The following TMEM192 variants were observed in gnomAD, a reference collection of about 807,000 sequenced individuals.
TMEM192 encodes the protein transmembrane protein 192.
A neutral mutation model predicts 26.7 loss-of-function variants in TMEM192; 20 were observed. The ratio of observed to expected loss-of-function variants is 0.75; its 90% CI spans 0.53 to 1.09. The LOEUF is 1.09. TMEM192 is among the 50% of genes least tolerant of loss of function. The probability of loss-of-function intolerance (pLI) is 0.00; values close to 1 mark genes in which losing one functional copy is unlikely to be tolerated. For missense variants in TMEM192, 304 were observed against 322.6 expected, an observed-to-expected ratio of 0.94 and a Z score of 0.44; for synonymous variants, 124 against 121.0, an observed-to-expected ratio of 1.02 and a Z score of -0.16.
intron 3 of TMEM192, among the ~76,000 whole-genome samples, chr4:165,092,858 C>T (rs1248322207): frequency 6.6e-6 from 1 of 151,420 alleles, no homozygotes. Flanking sequence ...TGAGCTATGA[C>T]AGCACTCCAG....
chr4:165,088,360 A>T, intron 4 of TMEM192, 108 bp downstream of exon 4: 1 of 1,093,448 alleles, frequency 9.1e-7, no homozygotes, highest in Non-Finnish European at 1.3e-6. Context: ...TGTGGTCACC[A>T]CTCAGATACA....
intron 1 of TMEM192, among the ~76,000 whole-genome samples, chr4:165,108,112 CTTTTTTTT>C (rs755013001): frequency 1.9e-4 from 17 of 91,188 alleles, no homozygotes; most frequent in South Asian, 3.7e-4. Context: ...TCTGTATTCC[CTTTTTTTT>C]TTTTTTTTTT....
At chr4:165,091,880 TC>T (rs1734773133) in intron 3 of TMEM192, among the ~76,000 whole-genome samples, 1 of 152,130 alleles carries the variant, frequency 6.6e-6, no homozygotes, top group African/African-American at 2.4e-5. Flanking sequence ...ACAAAAAGTT[TC>T]CATTAGACCA....
chr4:165,108,440 T>C (rs1318720210), intron 1 of TMEM192, among the ~76,000 whole-genome samples: 1 of 152,084 alleles, frequency 6.6e-6, no homozygotes, highest in Non-Finnish European at 1.5e-5. Context: ...AATCCTATAT[T>C]CGTGAACTTT....
chr4:165,110,830 C>T (rs1325422754), intron 1 of TMEM192, among the ~76,000 whole-genome samples: 2 of 152,234 alleles, frequency 1.3e-5, no homozygotes, highest in Non-Finnish European at 2.9e-5. Context: ...GGCATATACT[C>T]ACCCTATAGC....
intron 3 of TMEM192, among the ~76,000 whole-genome samples, chr4:165,088,962 G>A (rs1224081097): frequency 7.0e-6 from 1 of 143,502 alleles, no homozygotes; most frequent in South Asian, 2.3e-4. Context: ...GATTGCTTGA[G>A]CCTGGGAGGT....
intron 5 of TMEM192, 43 bp downstream of exon 5, chr4:165,085,543 T>C (rs1734591073): frequency 7.5e-7 from 1 of 1,326,968 alleles, no homozygotes; most frequent in Admixed American, 2.1e-5. Context: ...TCTAGCTTTC[T>C]AGGGGAAAAA....
chr4:165,099,582 C>T (rs1734991388), intron 3 of TMEM192, among the ~76,000 whole-genome samples: 1 of 152,120 alleles, frequency 6.6e-6, no homozygotes, highest in African/African-American at 2.4e-5. Flanking sequence ...ATCTCACTGC[C>T]TAACAGTCCT....
intron 3 of TMEM192, among the ~76,000 whole-genome samples, chr4:165,096,544 A>G (rs1734908349): frequency 6.6e-6 from 1 of 151,972 alleles, no homozygotes; most frequent in South Asian, 2.1e-4. Context: ...TCTTCTCTGG[A>G]AAATAACAAA....
chr4:165,081,361 C>T (rs574299227), intron 5 of TMEM192, among the ~76,000 whole-genome samples: 1,955 of 142,468 alleles, frequency 0.014, 35 homozygotes, highest in African/African-American at 0.046. Context: ...TATATACTGA[C>T]TTTTTTTTTT....
In TMEM192 at chr4:165,071,045, G is replaced by A. The variant is rs1207444572; in HGVS notation, c.*8613C>T. The A allele has an allele frequency of 6.6e-6, 1 of 151,862 alleles. No homozygotes were observed. Among genetic ancestry groups the A allele is most frequent in the South Asian group, 2.1e-4 (1 of 4,812 alleles). 9.4% of individuals were successfully genotyped at this position (151,862 alleles called of 1,614,324 possible). A position where few individuals can be genotyped will look rare whatever the true frequency, so the allele number is the denominator to read the frequency against. ...ATGCCTGGAGCCACAGGTCTGCAGG[G>A]GAATCATTGCAAGACCTCAGGTGAT... On this transcript the variant is annotated 3_prime_UTR_variant, in exon 6 of 6. Transcript: ENST00000306480.
Position 165,074,116 on chromosome 4 carries a change from C to T in TMEM192, c.*5542G>A, listed in dbSNP as rs570506072. On this transcript the variant is annotated 3_prime_UTR_variant, in exon 6 of 6. Coordinates refer to ENST00000306480, the MANE Select transcript of TMEM192 (RefSeq NM_001100389.2). Reference sequence around the variant, plus strand: ...ACCCACAGGTGTGGAGGGGCAGACCCCCCCTCAATCAACTGAGCCAAGTGT... The same window carrying T: ...ACCCACAGGTGTGGAGGGGCAGACCTCCCCTCAATCAACTGAGCCAAGTGT... 1 of 151,648 alleles carries T rather than the reference C, an allele frequency of 6.6e-6. No homozygotes were observed. Among genetic ancestry groups the T allele is most frequent in the East Asian group, 1.9e-4 (1 of 5,156 alleles). 9.4% of individuals were successfully genotyped at this position (151,648 alleles called of 1,614,324 possible). A position where few individuals can be genotyped will look rare whatever the true frequency, so the allele number is the denominator to read the frequency against.
chr4:165,089,381 C>T (rs1357737782), intron 3 of TMEM192, among the ~76,000 whole-genome samples: 4 of 151,990 alleles, frequency 2.6e-5, no homozygotes, highest in Non-Finnish European at 4.4e-5. Context: ...AGTGCAGTGG[C>T]GCTATCTCGG....
chr4:165,095,258 T>C (rs1734867438), intron 3 of TMEM192, among the ~76,000 whole-genome samples: 2 of 152,168 alleles, frequency 1.3e-5, no homozygotes. Flanking sequence ...AAATGCCATA[T>C]ATCATTATTA....
intron 1 of TMEM192, among the ~76,000 whole-genome samples, chr4:165,108,112 CTTTTTTTTTTTTTTTT>C (rs755013001): frequency 1.1e-5 from 1 of 91,174 alleles, no homozygotes; most frequent in South Asian, 3.7e-4. Context: ...TCTGTATTCC[CTTTTTTTTTTTTTTTT>C]TTTTTTTTTT....
intron 3 of TMEM192, among the ~76,000 whole-genome samples, chr4:165,094,091 G>C (rs534745815): frequency 6.6e-6 from 1 of 151,986 alleles, no homozygotes; most frequent in African/African-American, 2.4e-5. Flanking sequence ...AGTAGAGAGG[G>C]GGTTTCACCA....
intron 3 of TMEM192, among the ~76,000 whole-genome samples, chr4:165,090,058 A>T (rs1295686609): frequency 6.6e-6 from 1 of 151,820 alleles, no homozygotes; most frequent in Non-Finnish European, 1.5e-5. Context: ...CTAAAAATAC[A>T]AAATTAGCTG....
In TMEM192 at chr4:165,078,523, CTTTT is replaced by C. The variant is rs898533923; in HGVS notation, c.*1131_*1134del. 2.0e-5 allele frequency: 3 copies of C among 151,984 alleles called. No individual in the cohort carries two copies. The highest frequency in any genetic ancestry group is 2.1e-4 in the South Asian group (1 of 4,826). The allele number at this position is 151,984 out of a possible 1,614,324, so 9.4% of individuals were successfully genotyped here. A position where few individuals can be genotyped will look rare whatever the true frequency, so the allele number is the denominator to read the frequency against. ...TATAATCCAAGGCTTTAAAAGGTAT[CTTTT>C]TTTTACAGTAATTTAAAATTATAGA... is the stretch of plus-strand genomic sequence containing the variant. On this transcript the variant is annotated 3_prime_UTR_variant, in exon 6 of 6. Transcript: ENST00000306480.
chr4:165,087,337 C>T (rs968741246), intron 4 of TMEM192, among the ~76,000 whole-genome samples: 3 of 152,078 alleles, frequency 2.0e-5, no homozygotes, highest in Admixed American at 1.3e-4. Context: ...GAGTACCTAA[C>T]CAAGGCAGTG....
Sources: gnomAD v4.1 joint callset for allele counts (sites outside exome capture counted in the v4.1 genomes callset) on GRCh38, gnomAD v4.1.1 for gene constraint, MANE v1.5 for transcripts, NCBI Gene and HGNC (gene_info 2026-07-23, HGNC 2026-07-21) for gene names.